PLXNA4: variants seen among roughly 807,000 people sequenced by gnomAD.
PLXNA4 encodes the protein plexin A4.
In PLXNA4, 44 loss-of-function variants were observed where a neutral mutation model predicts 191.8. That is an observed-to-expected ratio of 0.23 (90% CI 0.18 to 0.29). The LOEUF is 0.29. Ranked by LOEUF, PLXNA4 falls within the 10% of genes least tolerant of loss-of-function variation. The pLI is 1.00. For synonymous variants in PLXNA4, 1,082 were observed against 1,009.5 expected (o/e 1.07, Z -1.36); for missense variants, 1,800 against 2,488.8 (o/e 0.72, Z 5.89).
At chr7:132,272,565 G>A (rs1010346117) in intron 4 of PLXNA4, among the ~76,000 whole-genome samples, 4 of 152,160 alleles carry the variant, frequency 2.6e-5, no homozygotes, top group African/African-American at 9.7e-5. Flanking sequence ...CCTAAATCAA[G>A]TCAGTTGGTC....
At chr7:132,553,575 G>T (rs369702068) in intron 1 of PLXNA4, among the ~76,000 whole-genome samples, 1 of 152,144 alleles carries the variant, frequency 6.6e-6, no homozygotes, top group Non-Finnish European at 1.5e-5. Context: ...TCCTAGCAAA[G>T]CACCCCTGCA....
chr7:132,402,703 G>A lies in PLXNA4; in HGVS notation c.1371+86589C>T, dbSNP rs534771597. Among the ~76,000 whole-genome samples, 306 of 152,338 alleles carry A rather than the reference G, an allele frequency of 2.0e-3. 1 individual carries two copies. Among genetic ancestry groups the A allele is most frequent in the Non-Finnish European group, 3.4e-3 (231 of 68,040 alleles). The stretch of plus-strand genomic sequence containing the variant: ...GGACAGGCTGCTCCCGAGCCGCTCA[G>A]TCCATCGGATCAATCAGGTTTAACA... On this transcript the variant is annotated intron_variant, in intron 3 of 31. Transcript: ENST00000321063.
Position 132,132,447 on chromosome 7 carries a change from G to A in PLXNA4, c.5589+602C>T, listed in dbSNP as rs62469692. ...GTTCTGTTCTGTTCTGTTCTGTTCT[G>A]TTCTGTTCTGTTCTGTTCTGCTCTG... On this transcript the variant is annotated intron_variant, in intron 31 of 31. Transcript: ENST00000321063. Among the ~76,000 whole-genome samples the A allele has an allele frequency of 4.8e-3, 267 of 55,338 alleles. 9 individuals are homozygous for A. The highest frequency in any genetic ancestry group is 0.032 in the East Asian group (66 of 2,070). The allele number at this position is 55,338 out of a possible 152,430, so 36.3% of individuals were successfully genotyped here.
intron 3 of PLXNA4, among the ~76,000 whole-genome samples, chr7:132,310,392 G>T (rs190207770): frequency 1.3e-5 from 2 of 152,314 alleles, no homozygotes; most frequent in East Asian, 3.9e-4. Flanking sequence ...CCCTAGCAAG[G>T]CTCCCTGGCA....
chr7:132,563,516 GCTGCTCCTCCTCC>G (rs1801480194), intron 1 of PLXNA4, among the ~76,000 whole-genome samples: 1 of 10,556 alleles, frequency 9.5e-5, no homozygotes, highest in Non-Finnish European at 2.8e-4. Context: ...TCCTCCTCCT[GCTGCTCCTCCTCC>G]TCTTTCTCCT....
chr7:132,590,366 T>C (rs12112435), intron 2 of PLXNA4, among the ~76,000 whole-genome samples: 3,049 of 152,282 alleles, frequency 0.02, 89 homozygotes, highest in African/African-American at 0.06. Flanking sequence ...GATAGATGTA[T>C]ATATAAAGAG....
intron 28 of PLXNA4, 184 bp from the exon 29 acceptor site, chr7:132,145,472 A>G: frequency 1.3e-6 from 1 of 778,130 alleles, no homozygotes; most frequent in Non-Finnish European, 2.0e-6. Flanking sequence ...ACAGCTTTAA[A>G]TTTCCCCTGC....
At chr7:132,280,659 T>C (rs1002953783) in intron 4 of PLXNA4, among the ~76,000 whole-genome samples, 1 of 152,164 alleles carries the variant, frequency 6.6e-6, no homozygotes, top group Admixed American at 6.5e-5. Context: ...TACCAAGGAA[T>C]AGAAAGTGAC....
intron 2 of PLXNA4, among the ~76,000 whole-genome samples, chr7:132,593,825 G>T (rs1802651175): frequency 6.6e-6 from 1 of 152,372 alleles, no homozygotes; most frequent in South Asian, 2.1e-4. Context: ...GGGAGACCAG[G>T]CACTCACAAA....
At chr7:132,563,012 CTTTCTCTT>C (rs1801359619) in intron 1 of PLXNA4, among the ~76,000 whole-genome samples, 2 of 109,516 alleles carry the variant, frequency 1.8e-5, no homozygotes, top group Non-Finnish European at 3.8e-5. Context: ...TTCTCCTCCT[CTTTCTCTT>C]CCTCTTTCTC....
At chr7:132,156,135 TACACACACAC>T (rs57153762) in intron 25 of PLXNA4, among the ~76,000 whole-genome samples, 5,604 of 133,080 alleles carry the variant, frequency 0.042, 190 homozygotes, top group African/African-American at 0.1. Context: ...TTTCTGGACA[TACACACACAC>T]ACACACACAC....
chr7:132,291,552 A>C (rs1800891742), intron 4 of PLXNA4, among the ~76,000 whole-genome samples: 1 of 152,216 alleles, frequency 6.6e-6, no homozygotes, highest in Admixed American at 6.5e-5. Flanking sequence ...ATATTGAATG[A>C]ATAAGGTGCT....
chr7:132,578,749 G>A (rs1342883907), upstream of PLXNA4, among the ~76,000 whole-genome samples: 1 of 152,204 alleles, frequency 6.6e-6, no homozygotes, highest in Admixed American at 6.5e-5. Flanking sequence ...TATTCCAGGA[G>A]ACAGCGTGGA....
intron 4 of PLXNA4, among the ~76,000 whole-genome samples, chr7:132,290,641 T>C (rs943641600): frequency 1.3e-5 from 2 of 152,024 alleles, no homozygotes; most frequent in African/African-American, 2.4e-5. Context: ...CAGACAGGGA[T>C]AGACACAGGG....
In PLXNA4 at chr7:132,130,526, C is replaced by T. The variant is rs1448062220; in HGVS notation, c.5638G>A (p.Ala1880Thr). ...GTTATGACTTGTTCTAGTTTGTAGG[C>T]CAGTTTCTGCTTCCCACACTGGTCA... The part of the protein sequence containing the change: ...HDDQCGKQKL[A>T]YKLEQVITLM... The change falls in exon 32 of 32, where the codon GCC becomes ACC. Residue 1880 changes from alanine (A) to threonine (T), a missense_variant. Ala to Thr is a moderately conservative substitution (Grantham distance 58). Transcript: ENST00000321063. 3 of 1,614,148 alleles carry T rather than the reference C, an allele frequency of 1.9e-6. No homozygotes were observed. The highest frequency in any genetic ancestry group is 2.5e-6 in the Non-Finnish European group (3 of 1,180,016).
intron 1 of PLXNA4, among the ~76,000 whole-genome samples, chr7:132,519,916 G>A (rs958991766): frequency 2.6e-5 from 4 of 152,232 alleles, no homozygotes; most frequent in Non-Finnish European, 5.9e-5. Flanking sequence ...ATAGGATGGG[G>A]AAGAGAGATC....
intron 4 of PLXNA4, among the ~76,000 whole-genome samples, chr7:132,268,749 C>G (rs558119817): frequency 1.3e-5 from 2 of 152,292 alleles, no homozygotes; most frequent in African/African-American, 2.4e-5. Flanking sequence ...TCTCAGCCCC[C>G]TTTTCTTGGA....
intron 16 of PLXNA4, among the ~76,000 whole-genome samples, chr7:132,182,436 C>T (rs1796740031): frequency 6.6e-6 from 1 of 152,018 alleles, no homozygotes; most frequent in Admixed American, 6.5e-5. Context: ...GAGTATGGAC[C>T]CCCGTGGAGG....
At chr7:132,400,800 C>T (rs531322574) in intron 3 of PLXNA4, among the ~76,000 whole-genome samples, 2 of 152,312 alleles carry the variant, frequency 1.3e-5, no homozygotes, top group South Asian at 2.1e-4. Flanking sequence ...TGGGAGACTG[C>T]AGGCTCATAA....
Sources: allele counts gnomAD v4.1 joint callset (sites outside exome capture counted in the v4.1 genomes callset), GRCh38; gene constraint gnomAD v4.1.1; transcripts MANE v1.5; gene names NCBI Gene and HGNC (gene_info 2026-07-23, HGNC 2026-07-21).